Variants in MTHFD2L observed in about 807,000 individuals in gnomAD.
The protein encoded by MTHFD2L is bifunctional methylenetetrahydrofolate dehydrogenase/cyclohydrolase 2, mitochondrial.
A neutral mutation model predicts 34.9 loss-of-function variants in MTHFD2L; 29 were observed. The observed-to-expected ratio is 0.83, with a 90% CI of 0.62 to 1.13. MTHFD2L has a LOEUF of 1.13. MTHFD2L is among the 50% of genes most tolerant of loss of function. MTHFD2L has a pLI of 0.00. For synonymous variants in MTHFD2L, 167 were observed against 155.7 expected (o/e 1.07, Z -0.54); for missense variants, 481 against 446.5 (o/e 1.08, Z -0.70).
At chr4:74,137,009 G>A (rs1268181370) in intron 1 of MTHFD2L, among the ~76,000 whole-genome samples, 1 of 152,056 alleles carries the variant, frequency 6.6e-6, no homozygotes, top group African/African-American at 2.4e-5. Context: ...CTAAAACCAT[G>A]AACTACTAGA....
At chr4:74,119,737 C>T (rs140486621), upstream of MTHFD2L, among the ~76,000 whole-genome samples, 8,155 of 151,928 alleles carry the variant, frequency 0.054, 400 homozygotes, top group South Asian at 0.14. Flanking sequence ...GAGCCGAGAT[C>T]GTGCCACTGC....
At chr4:74,273,151 C>T (rs561984469) in intron 6 of MTHFD2L, among the ~76,000 whole-genome samples, 17 of 152,176 alleles carry the variant, frequency 1.1e-4, no homozygotes, top group African/African-American at 4.1e-4. Flanking sequence ...CAAATTTTAT[C>T]GTGGTGAGGC....
intron 1 of MTHFD2L, among the ~76,000 whole-genome samples, chr4:74,169,501 T>G (rs1468021804): frequency 6.6e-6 from 1 of 152,242 alleles, no homozygotes; most frequent in Admixed American, 6.5e-5. Flanking sequence ...AAGACAGAGT[T>G]CAGATGTTTT....
chr4:74,280,454 C>T (rs1160397662), intron 6 of MTHFD2L: 1 of 152,090 alleles, frequency 6.6e-6, no homozygotes, highest in Admixed American at 6.6e-5. Context: ...GTGAGTGAGT[C>T]CTTTTAGCCT....
chr4:74,258,372 C>A (rs1450355504), intron 6 of MTHFD2L, among the ~76,000 whole-genome samples: 1 of 151,384 alleles, frequency 6.6e-6, no homozygotes, highest in Non-Finnish European at 1.5e-5. Flanking sequence ...TATGAGATAG[C>A]TAGAAGATAG....
intron 5 of MTHFD2L, among the ~76,000 whole-genome samples, chr4:74,203,492 G>A (rs556433384): frequency 1.3e-5 from 2 of 152,246 alleles, no homozygotes; most frequent in South Asian, 2.1e-4. Context: ...ATTTGCTCAC[G>A]GTTCTGCGGG....
At chr4:74,273,290 C>T (rs1310313731) in intron 6 of MTHFD2L, among the ~76,000 whole-genome samples, 1 of 151,938 alleles carries the variant, frequency 6.6e-6, no homozygotes, top group Non-Finnish European at 1.5e-5. Flanking sequence ...AGTTTCTGGA[C>T]AGCCAGAAGA....
At chr4:74,115,992 G>A (rs192044688) in intron 2 of MTHFD2L, among the ~76,000 whole-genome samples, 3 of 152,274 alleles carry the variant, frequency 2.0e-5, no homozygotes, top group South Asian at 2.1e-4. Flanking sequence ...ACCCTGTATT[G>A]TTGAGTATAT....
In MTHFD2L at chr4:74,271,921, T is replaced by A. The variant is rs182303273; in HGVS notation, c.806-9504T>A. Among the ~76,000 whole-genome samples the A allele has an allele frequency of 5.3e-5, 8 of 152,298 alleles. 1 individual carries two copies. The highest frequency in any genetic ancestry group is 1.2e-4 in the Non-Finnish European group (8 of 68,026). On this transcript the variant is annotated intron_variant, in intron 6 of 7. Coordinates refer to ENST00000325278, the MANE Select transcript of MTHFD2L (RefSeq NM_001144978.3). ...AGTTGGATTCCTAGGTATTTTATTC[T>A]CTTTGAAGTATAGCTAGTAGTTTTA...
chr4:74,244,215 A>G (rs1742105243), intron 6 of MTHFD2L, among the ~76,000 whole-genome samples: 2 of 152,294 alleles, frequency 1.3e-5, no homozygotes, highest in African/African-American at 4.8e-5. Flanking sequence ...CATCACCACA[A>G]TCTTTCCAGT....
chr4:74,255,056 A>T (rs1247306340), intron 6 of MTHFD2L, among the ~76,000 whole-genome samples: 1 of 148,084 alleles, frequency 6.8e-6, no homozygotes, highest in South Asian at 2.2e-4. Flanking sequence ...AATCGCTTGA[A>T]CCAGGGAGGC....
upstream of MTHFD2L, among the ~76,000 whole-genome samples, chr4:74,123,802 A>G (rs1191543324): frequency 6.6e-6 from 1 of 152,130 alleles, no homozygotes; most frequent in Non-Finnish European, 1.5e-5. Flanking sequence ...CTTTAAAGGC[A>G]ATTAAAACAA....
intron 1 of MTHFD2L, among the ~76,000 whole-genome samples, chr4:74,162,707 T>C (rs565228794): frequency 9.8e-5 from 15 of 152,286 alleles, no homozygotes; most frequent in African/African-American, 2.9e-4. Flanking sequence ...AGGAAGTAGA[T>C]AGACACTATT....
chr4:74,221,301 A>G (rs1004651393), intron 5 of MTHFD2L, among the ~76,000 whole-genome samples: 3 of 151,794 alleles, frequency 2.0e-5, no homozygotes, highest in East Asian at 1.9e-4. Context: ...ATAGTCATAT[A>G]TATAACATTA....
intron 1 of MTHFD2L, 100 bp from the exon 2 acceptor site, chr4:74,174,406 T>A: frequency 2.1e-6 from 2 of 949,106 alleles, no homozygotes; most frequent in East Asian, 6.5e-5. Context: ...TTTTGGGTGC[T>A]TGGAGAATCA....
At chr4:74,224,857 C>G (rs1258487740) in intron 5 of MTHFD2L, among the ~76,000 whole-genome samples, 2 of 152,140 alleles carry the variant, frequency 1.3e-5, no homozygotes, top group African/African-American at 4.8e-5. Flanking sequence ...TTAGGAATCC[C>G]TCCTAGACAC....
intron 6 of MTHFD2L, among the ~76,000 whole-genome samples, chr4:74,232,387 G>T (rs1381263799): frequency 6.6e-6 from 1 of 152,090 alleles, no homozygotes; most frequent in Non-Finnish European, 1.5e-5. Context: ...GCACTTAGAT[G>T]AAAGGGATTT....
chr4:74,143,536 A>G (rs1723407750), intron 1 of MTHFD2L: 5 of 641,290 alleles, frequency 7.8e-6, no homozygotes, highest in East Asian at 1.4e-4. Context: ...GTTCCCTGGA[A>G]CCCATGTCAG....
chr4:74,242,410 T>C (rs966882460), intron 6 of MTHFD2L, among the ~76,000 whole-genome samples: 1 of 152,188 alleles, frequency 6.6e-6, no homozygotes, highest in Non-Finnish European at 1.5e-5. Flanking sequence ...TATTTAAATA[T>C]CAGTGTTTAC....
Sources: gnomAD v4.1 joint callset for allele counts (sites outside exome capture counted in the v4.1 genomes callset) on GRCh38, gnomAD v4.1.1 for gene constraint, MANE v1.5 for transcripts, NCBI Gene and HGNC (gene_info 2026-07-23, HGNC 2026-07-21) for gene names.